The following COL9A2 variants were observed in gnomAD, a reference collection of about 807,000 sequenced individuals.
COL9A2 encodes collagen type IX alpha 2 chain.
A neutral mutation model predicts 111.6 loss-of-function variants in COL9A2; 66 were observed. The ratio of observed to expected loss-of-function variants is 0.59; its 90% CI spans 0.48 to 0.73. COL9A2 has a LOEUF of 0.73. Ranked by LOEUF, COL9A2 falls within the 30% of genes least tolerant of loss-of-function variation. COL9A2 has a pLI of 0.00. For synonymous variants in COL9A2, 353 were observed against 364.1 expected (o/e 0.97, Z 0.35); for missense variants, 881 against 954.1 (o/e 0.92, Z 1.01).
intron 20 of COL9A2, 149 bp downstream of exon 20, chr1:40,305,994 G>T: frequency 1.1e-6 from 1 of 898,932 alleles, no homozygotes; most frequent in Non-Finnish European, 1.8e-6. Context: ...AGTGCATGAT[G>T]GGTGGGAGGT....
Position 40,311,446 on chromosome 1 carries a change from ATCTC to A in COL9A2, c.519+50_519+53del. The A allele has an allele frequency of 1.3e-6, 1 of 780,614 alleles. No individual in the cohort carries two copies. The highest frequency in any genetic ancestry group is 1.7e-6 in the Non-Finnish European group (1 of 579,232). The allele number at this position is 780,614 out of a possible 1,614,324, so 48.4% of individuals were successfully genotyped here. On this transcript the variant is annotated intron_variant, in intron 10 of 31. Coordinates refer to ENST00000372748, the MANE Select transcript of COL9A2 (RefSeq NM_001852.4). This position sits in a 1 kb window ranked among gnomAD's most constrained non-coding sequence, Gnocchi z 5.1. ...CCCATCTCCGTGGCCCCGCCTCCCC[ATCTC>A]TGTGGCCCCGCCCCCCTGTGTTAGC...
intron 19 of COL9A2, among the ~76,000 whole-genome samples, 198 bp from the exon 20 acceptor site, chr1:40,306,385 C>A (rs1644030352): frequency 6.6e-6 from 1 of 152,206 alleles, no homozygotes; most frequent in African/African-American, 2.4e-5. Flanking sequence ...AATGGCCTGT[C>A]TTCCAGGACC....
Position 40,303,251 on chromosome 1 carries a change from G to C in COL9A2, c.1549-66C>G. On this transcript the variant is annotated intron_variant, in intron 28 of 31. Transcript: ENST00000372748. The surrounding 1 kb of genome is among the most constrained non-coding windows in gnomAD (Gnocchi z 4.6). The stretch of plus-strand genomic sequence containing the variant: ...AGGGCCCACCGCTCCTATCCCACCT[G>C]GCTGAGCGTGAGGCCGCCATGGAGG... 6.6e-7 allele frequency: 1 copy of C among 1,507,018 alleles called. No homozygotes were observed. Among genetic ancestry groups the C allele is most frequent in the Non-Finnish European group, 9.1e-7 (1 of 1,098,244 alleles). 93.4% of individuals were successfully genotyped at this position (1,507,018 alleles called of 1,614,324 possible).
chr1:40,312,341 G>T lies in COL9A2; in HGVS notation c.363+115C>A. ...GTCTCTGGCAGGTCCACTTATTCCT[G>T]ACACTATCACAGCAAGCTGGCTCCT... On this transcript the variant is annotated intron_variant, in intron 7 of 31. Transcript: ENST00000372748. The surrounding 1 kb of genome is among the most constrained non-coding windows in gnomAD (Gnocchi z 6.0). 7.0e-7 allele frequency: 1 copy of T among 1,432,960 alleles called. No homozygotes were observed. The highest frequency in any genetic ancestry group is 9.6e-7 in the Non-Finnish European group (1 of 1,038,598). 88.8% of individuals were successfully genotyped at this position (1,432,960 alleles called of 1,614,324 possible). A position where few individuals can be genotyped will look rare whatever the true frequency, so the allele number is the denominator to read the frequency against.
chr1:40,304,074 C>T lies in COL9A2; in HGVS notation c.1313G>A (p.Arg438His), dbSNP rs755827145. The change falls in exon 25 of 32, where the codon CGC becomes CAC. Residue 438 changes from arginine to histidine, a missense_variant. Coordinates refer to ENST00000372748, the MANE Select transcript of COL9A2 (RefSeq NM_001852.4). The part of the protein sequence containing the change: ...DKGSPGKTGP[R>H]GKVGDPGVAG... ...GGTGCTGGAACTCACCACTTTGCCGCGGGGCCCGGTCTTCCCTGGGGAGCC... is the reference window on the plus strand; with the variant it reads ...GGTGCTGGAACTCACCACTTTGCCGTGGGGCCCGGTCTTCCCTGGGGAGCC... The T allele has an allele frequency of 1.3e-6, 2 of 1,575,656 alleles. No homozygotes were observed. Among genetic ancestry groups the T allele is most frequent in the Admixed American group, 1.9e-5 (1 of 53,958 alleles).
In COL9A2 at chr1:40,303,714, A is replaced by C; in HGVS notation, c.1402-38T>G. 1 of 1,519,516 alleles carries C rather than the reference A, an allele frequency of 6.6e-7. No homozygotes were observed. Among genetic ancestry groups the C allele is most frequent in the East Asian group, 2.5e-5 (1 of 39,268 alleles). 94.1% of individuals were successfully genotyped at this position (1,519,516 alleles called of 1,614,324 possible). A position where few individuals can be genotyped will look rare whatever the true frequency, so the allele number is the denominator to read the frequency against. ...GGGGGTGGGAGCAGAGCCGGGTGAG[A>C]AGGCGCCCGGGTGGGCGAGAGTGGG... On this transcript the variant is annotated intron_variant, in intron 27 of 31. Coordinates refer to ENST00000372748, the MANE Select transcript of COL9A2 (RefSeq NM_001852.4). The surrounding 1 kb of genome is among the most constrained non-coding windows in gnomAD (Gnocchi z 4.6).
At position 40,309,954 on chromosome 1, in the gene COL9A2, C is replaced by A; in HGVS notation, c.830G>T (p.Gly277Val). 1 of 1,613,976 alleles carries A rather than the reference C, an allele frequency of 6.2e-7. No homozygotes were observed. Among genetic ancestry groups the A allele is most frequent in the South Asian group, 1.1e-5 (1 of 91,060 alleles). The change falls in exon 16 of 32, where the codon GGG becomes GTG. Residue 277 changes from glycine to valine, a missense_variant. Gly to Val is a moderately radical substitution (Grantham distance 109). Coordinates refer to ENST00000372748, the MANE Select transcript of COL9A2 (RefSeq NM_001852.4). ...EGPRGPPGRA[G>V]EKGDEGSPGI... Reference sequence around the variant, plus strand: ...AGGACTCACCTCGTCACCCTTCTCCCCAGCTCGGCCTGGCGGTCCCCTAGG... The same window carrying A: ...AGGACTCACCTCGTCACCCTTCTCCACAGCTCGGCCTGGCGGTCCCCTAGG...
chr1:40,304,604 G>A lies in COL9A2; in HGVS notation c.1162-75C>T, dbSNP rs1011549006. 18 of 1,550,012 alleles carry A rather than the reference G, an allele frequency of 1.2e-5. No homozygotes were observed. In the East Asian group the frequency reaches 1.6e-4, roughly 14 times the overall value. ...GCCTCCCGCACCGAGGCCTGGCACC[G>A]CATGGTCAGGGTGCCCTCCATTCCT... On this transcript the variant is annotated intron_variant, in intron 22 of 31. Coordinates refer to ENST00000372748, the MANE Select transcript of COL9A2 (RefSeq NM_001852.4).
In COL9A2 at chr1:40,312,037, A is replaced by G. The variant is rs74068393; in HGVS notation, c.417+22T>C. 8.6e-4 allele frequency: 1,371 copies of G among 1,594,722 alleles called. 14 individuals carry two copies. In the African/African-American group the frequency reaches 0.016, roughly 19 times the overall value. Reference sequence around the variant, plus strand: ...GGAGATAGAAGGCAGGAGGCAGTGAACAGAGGGTGGCTGAGGCTCACCTTG... The same window carrying G: ...GGAGATAGAAGGCAGGAGGCAGTGAGCAGAGGGTGGCTGAGGCTCACCTTG... On this transcript the variant is annotated intron_variant, in intron 8 of 31. Coordinates refer to ENST00000372748, the MANE Select transcript of COL9A2 (RefSeq NM_001852.4). This position sits in a 1 kb window ranked among gnomAD's most constrained non-coding sequence, Gnocchi z 6.0.
chr1:40,312,650 C>A lies in COL9A2; in HGVS notation c.304-41G>T. ...GAAAGGCTCAGAGGCTGGGGTTTCCCCGGCTCCTACTTCCTCTCTACAGCC... is the reference window on the plus strand; with the variant it reads ...GAAAGGCTCAGAGGCTGGGGTTTCCACGGCTCCTACTTCCTCTCTACAGCC... On this transcript the variant is annotated intron_variant, in intron 5 of 31. Coordinates refer to ENST00000372748, the MANE Select transcript of COL9A2 (RefSeq NM_001852.4). This position sits in a 1 kb window ranked among gnomAD's most constrained non-coding sequence, Gnocchi z 6.0. 6.2e-7 allele frequency: 1 copy of A among 1,608,866 alleles called. No individual in the cohort carries two copies. The highest frequency in any genetic ancestry group is 2.2e-5 in the East Asian group (1 of 44,698).
In COL9A2 at chr1:40,311,650, G is replaced by A. The variant is rs774640712; in HGVS notation, c.471+12C>T. The A allele has an allele frequency of 2.2e-5, 36 of 1,613,784 alleles. No homozygotes were observed. Among genetic ancestry groups the A allele is most frequent in the Non-Finnish European group, 2.8e-5 (33 of 1,179,716 alleles). On this transcript the variant is annotated intron_variant, in intron 9 of 31. Coordinates refer to ENST00000372748, the MANE Select transcript of COL9A2 (RefSeq NM_001852.4). This position sits in a 1 kb window ranked among gnomAD's most constrained non-coding sequence, Gnocchi z 5.1. ...CTGCACTTTGCCATGTCGGGGGTCT[G>A]GGGACACTTACAGGTTTCCCAGGGG... is the stretch of plus-strand genomic sequence containing the variant.
At chr1:40,308,304 CAGAGAGGGGAACCACTGAGAACAGTGG>C (rs1396568544) in intron 16 of COL9A2, 59 bp from the exon 17 acceptor site, 8 of 1,554,020 alleles carry the variant, frequency 5.1e-6, no homozygotes, top group Non-Finnish European at 6.1e-6. Flanking sequence ...TCTGGCTGTG[CAGAGAGGGGAACCACTGAGAACAGTGG>C]CCTCTAGGTC....
chr1:40,317,104 G>A lies in COL9A2; in HGVS notation c.75+19C>T. ...CCCCGCACCCTGGACCCTGGCAGCG[G>A]AGGGGCTGCGAAACTTACAATCTGC... is the stretch of plus-strand genomic sequence containing the variant. On this transcript the variant is annotated intron_variant, in intron 1 of 31. Transcript: ENST00000372748. The surrounding 1 kb of genome is among the most constrained non-coding windows in gnomAD (Gnocchi z 4.3). 1 of 1,557,962 alleles carries A rather than the reference G, an allele frequency of 6.4e-7. No individual in the cohort carries two copies. Among genetic ancestry groups the A allele is most frequent in the Non-Finnish European group, 8.7e-7 (1 of 1,150,820 alleles).
intron 24 of COL9A2, 50 bp from the exon 25 acceptor site, chr1:40,304,149 G>A (rs527353166): frequency 2.0e-6 from 3 of 1,524,276 alleles, no homozygotes; most frequent in Non-Finnish European, 2.6e-6. Context: ...CCTCCACGGG[G>A]TCCCCCACCT....
In COL9A2 at chr1:40,307,788, T is replaced by C. The variant is rs1182019485; in HGVS notation, c.901-32A>G. 2 of 1,612,270 alleles carry C rather than the reference T, an allele frequency of 1.2e-6. No homozygotes were observed. The highest frequency in any genetic ancestry group is 1.3e-5 in the African/African-American group (1 of 74,958). ...AGGAGGAAAGTTCAAGGGAGAGTGA[T>C]AATGCGGAGATGTCTGGGGTCTGGC... On this transcript the variant is annotated intron_variant, in intron 17 of 31. Coordinates refer to ENST00000372748, the MANE Select transcript of COL9A2 (RefSeq NM_001852.4). This position sits in a 1 kb window ranked among gnomAD's most constrained non-coding sequence, Gnocchi z 4.8.
At position 40,301,386 on chromosome 1, in the gene COL9A2, G is replaced by A; in HGVS notation, c.1871-5C>T. ...GGCCAGGCCGGCCAGGGAGTCCTGTGAACAGGAGAAAGTCAAGACATTAGG... is the reference window on the plus strand; with the variant it reads ...GGCCAGGCCGGCCAGGGAGTCCTGTAAACAGGAGAAAGTCAAGACATTAGG... On this transcript the variant is annotated splice_region_variant and splice_polypyrimidine_tract_variant and intron_variant, in intron 31 of 31. Transcript: ENST00000372748. The A allele has an allele frequency of 6.2e-7, 1 of 1,605,360 alleles. No homozygotes were observed. Among genetic ancestry groups the A allele is most frequent in the Non-Finnish European group, 8.5e-7 (1 of 1,175,510 alleles).
At chr1:40,304,693 C>A in intron 22 of COL9A2, 101 bp downstream of exon 22, 1 of 1,406,318 alleles carries the variant, frequency 7.1e-7, no homozygotes, top group Non-Finnish European at 9.8e-7. Context: ...TAGGCCCTGC[C>A]TGGGGAGGCA....
intron 2 of COL9A2, chr1:40,315,122 C>T (rs1644195649): frequency 1.1e-5 from 8 of 713,384 alleles, no homozygotes; most frequent in African/African-American, 1.9e-5. Flanking sequence ...GTATTTAACC[C>T]TCACCCTGCA....
chr1:40,304,346 C>G lies in COL9A2; in HGVS notation c.1261G>C (p.Gly421Arg), dbSNP rs893172406. 1 of 1,573,360 alleles carries G rather than the reference C, an allele frequency of 6.4e-7. No homozygotes were observed. The highest frequency in any genetic ancestry group is 1.4e-5 in the African/African-American group (1 of 74,034). Residue 421 changes from glycine to arginine, a missense_variant, in exon 24 of 32, where the codon GGC becomes CGC. Physicochemically the swap from Gly to Arg is moderately radical, Grantham distance 125 (BLOSUM62 -2). Coordinates refer to ENST00000372748, the MANE Select transcript of COL9A2 (RefSeq NM_001852.4). The stretch of plus-strand genomic sequence containing the variant: ...TTGTCTCCTTTGACGCCTGGCAAGC[C>G]TTGGGGCCCTGGAATTCCGGGGGGG... ...QGPPGIPGPQ[G>R]LPGVKGDKGS...
Sources: gnomAD v4.1 joint callset for allele counts (sites outside exome capture counted in the v4.1 genomes callset) on GRCh38, gnomAD v4.1.1 for gene constraint, Gnocchi (gnomAD v3.1) non-coding constraint, MANE v1.5 for transcripts, NCBI Gene and HGNC (gene_info 2026-07-23, HGNC 2026-07-21) for gene names.